SPG11: variants seen among roughly 807,000 people sequenced by gnomAD.
SPG11 encodes the protein spatacsin.
A neutral mutation model predicts 274.0 loss-of-function variants in SPG11; 222 were observed. The ratio of observed to expected loss-of-function variants is 0.81; its 90% CI spans 0.73 to 0.91. The LOEUF (loss-of-function observed/expected upper bound fraction) is 0.91. Ranked by LOEUF, SPG11 falls within the 40% of genes least tolerant of loss-of-function variation. The probability of loss-of-function intolerance (pLI) is 0.00; values close to 1 mark genes in which losing one functional copy is unlikely to be tolerated. For missense variants in SPG11, 3,114 were observed against 2,872.7 expected, an observed-to-expected ratio of 1.08 and a Z score of -1.92; for synonymous variants, 1,144 against 1,039.7, an observed-to-expected ratio of 1.10 and a Z score of -1.93.
intron 7 of SPG11, among the ~76,000 whole-genome samples, chr15:44,641,803 C>CA (rs1254822639): frequency 6.7e-6 from 1 of 149,550 alleles, no homozygotes; most frequent in East Asian, 2.0e-4. Context: ...AGAGTATTAT[C>CA]AATAAAATTA....
At chr15:44,573,402 T>C in intron 32 of SPG11, 145 bp downstream of exon 32, 1 of 838,040 alleles carries the variant, frequency 1.2e-6, no homozygotes, top group Non-Finnish European at 2.0e-6. Flanking sequence ...TGTATTTTGT[T>C]TTATTTAAAC....
intron 31 of SPG11, among the ~76,000 whole-genome samples, chr15:44,574,328 G>A (rs76654364): frequency 2.6e-5 from 4 of 152,178 alleles, no homozygotes; most frequent in Admixed American, 2.6e-4. Context: ...ATTATGAAAT[G>A]TAAGAACACC....
intron 32 of SPG11, chr15:44,573,220 C>T (rs1045478367): frequency 2.1e-5 from 11 of 517,218 alleles, no homozygotes; most frequent in South Asian, 1.0e-4. Context: ...CTCCTGACCT[C>T]GTGATCTGCC....
In SPG11 at chr15:44,651,614, T is replaced by C. The variant is rs766770788; in HGVS notation, c.1333A>G (p.Arg445Gly). ...FTALFTWEVE[R>G]MGYTITLWDL... ...CAGAGGGTAATGGTATAGCCCATCC[T>C]TTCCACTTCCCAAGTAAACAGTGCA... The change falls in exon 6 of 40, where the codon AGG becomes GGG. Residue 445 changes from arginine (R) to glycine (G), a missense_variant. Physicochemically the swap from Arg to Gly is moderately radical, Grantham distance 125 (BLOSUM62 -2). Coordinates refer to ENST00000261866, the MANE Select transcript of SPG11 (RefSeq NM_025137.4). The C allele has an allele frequency of 1.9e-6, 3 of 1,614,236 alleles. No individual in the cohort carries two copies. The highest frequency in any genetic ancestry group is 1.7e-6 in the Non-Finnish European group (2 of 1,180,040).
At position 44,566,020 on chromosome 15, in the gene SPG11, A is replaced by AG; in HGVS notation, c.6844-12dup. 1 of 1,613,378 alleles carries AG rather than the reference A, an allele frequency of 6.2e-7. No individual in the cohort carries two copies. Reference sequence around the variant, plus strand: ...TCGCACACAGGAGTCCTGAGGAACAAGGGTGGAGAGGCACAGTAGAGAAAG... The same window carrying AG: ...TCGCACACAGGAGTCCTGAGGAACAAGGGGTGGAGAGGCACAGTAGAGAAAG... On this transcript the variant is annotated splice_polypyrimidine_tract_variant and intron_variant, in intron 37 of 39. Transcript: ENST00000261866.
At chr15:44,615,780 T>TC (rs1308907895) in intron 15 of SPG11, among the ~76,000 whole-genome samples, 1 of 152,198 alleles carries the variant, frequency 6.6e-6, no homozygotes, top group African/African-American at 2.4e-5. Context: ...AACGACAGAC[T>TC]CAAGCTATCT....
At chr15:44,662,655 A>AG (rs1348385504) in intron 1 of SPG11, among the ~76,000 whole-genome samples, 1 of 143,630 alleles carries the variant, frequency 7.0e-6, no homozygotes, top group East Asian at 2.1e-4. Flanking sequence ...ATCTTTAAAA[A>AG]AAAAAAAAAA....
At chr15:44,629,601 T>C (rs1024501066) in intron 8 of SPG11, among the ~76,000 whole-genome samples, 1 of 152,246 alleles carries the variant, frequency 6.6e-6, no homozygotes, top group Admixed American at 6.5e-5. Context: ...ATATCACTGC[T>C]ATTACCCTTT....
At chr15:44,650,412 G>C (rs1567190035) in intron 6 of SPG11, among the ~76,000 whole-genome samples, 1 of 152,054 alleles carries the variant, frequency 6.6e-6, no homozygotes, top group African/African-American at 2.4e-5. Context: ...CCAACACTTT[G>C]GGAGGCTGAG....
intron 7 of SPG11, among the ~76,000 whole-genome samples, chr15:44,640,902 G>C (rs2084420403): frequency 6.6e-6 from 1 of 151,984 alleles, no homozygotes; most frequent in Non-Finnish European, 1.5e-5. Flanking sequence ...AGCAATTTTT[G>C]TATTTTTAGT....
chr15:44,586,235 C>T (rs985843607), intron 28 of SPG11, among the ~76,000 whole-genome samples: 1 of 151,968 alleles, frequency 6.6e-6, no homozygotes, highest in African/African-American at 2.4e-5. Context: ...AACTATTTTT[C>T]TACTCTGGTT....
rs2083035363 is a variant in SPG11 at position 44,596,253 on chromosome 15, G to C, written c.4264C>G (p.Gln1422Glu). ...TCCTGGGGGCACTTATTGCAGACTT[G>C]ATCGCTGTCCATTTTGGAGGTGGGC... The part of the protein sequence containing the change: ...SVPTSKMDSD[Q>E]VCNKCPQELQ... Residue 1422 changes from glutamine to glutamate, a missense_variant, in exon 25 of 40, where the codon CAA becomes GAA. Transcript: ENST00000261866. The C allele has an allele frequency of 1.9e-6, 3 of 1,614,128 alleles. No homozygotes were observed. Among genetic ancestry groups the C allele is most frequent in the African/African-American group, 1.3e-5 (1 of 75,026 alleles).
chr15:44,640,770 C>T (rs959002607), intron 7 of SPG11, among the ~76,000 whole-genome samples: 14 of 152,100 alleles, frequency 9.2e-5, no homozygotes, highest in Non-Finnish European at 2.1e-4. Context: ...CTCATTCTGT[C>T]GTCAGGCTGA....
At chr15:44,662,584 A>AGGCT (rs1378905036) in intron 1 of SPG11, among the ~76,000 whole-genome samples, 1 of 149,956 alleles carries the variant, frequency 6.7e-6, no homozygotes, top group Non-Finnish European at 1.5e-5. Flanking sequence ...CGGGAGGTCA[A>AGGCT]GGCTGGCTGC....
At chr15:44,659,560 AG>A (rs1157088011) in intron 2 of SPG11, among the ~76,000 whole-genome samples, 3 of 152,182 alleles carry the variant, frequency 2.0e-5, no homozygotes, top group African/African-American at 7.2e-5. Flanking sequence ...TATTCAAAAA[AG>A]CCAACTTACC....
rs1373557546 is a variant in SPG11, at chr15:44,564,587, T to G, written c.7111A>C (p.Arg2371=). The change falls in exon 39 of 40, where the codon AGG becomes CGG. Residue 2371 remains arginine (R), a synonymous_variant. Coordinates refer to ENST00000261866, the MANE Select transcript of SPG11 (RefSeq NM_025137.4). ...TCAAATATACTGGACTTTAATAACC[T>G]TTGCTGCTTAAATTCTTCCAAGTAA... is the stretch of plus-strand genomic sequence containing the variant. ...FNYLEEFKQQ[R]LLKSSIFEEI... 6.2e-7 allele frequency: 1 copy of G among 1,614,080 alleles called. No individual in the cohort carries two copies. The highest frequency in any genetic ancestry group is 1.1e-5 in the South Asian group (1 of 91,088).
chr15:44,662,866 C>T (rs1180212431), intron 1 of SPG11, among the ~76,000 whole-genome samples: 1 of 152,184 alleles, frequency 6.6e-6, no homozygotes, highest in Non-Finnish European at 1.5e-5. Flanking sequence ...TATGTAACAG[C>T]AAGCACACAA....
intron 28 of SPG11, among the ~76,000 whole-genome samples, chr15:44,587,713 A>C (rs896462559): frequency 8.6e-5 from 13 of 150,992 alleles, no homozygotes; most frequent in South Asian, 2.1e-4. Context: ...AAAAAAAAAA[A>C]AAAAAAACGT....
At chr15:44,600,403 C>G (rs1396900818) in intron 21 of SPG11, 64 bp downstream of exon 21, 1 of 1,579,822 alleles carries the variant, frequency 6.3e-7, no homozygotes, top group Non-Finnish European at 8.7e-7. Flanking sequence ...TCCTGCTTCC[C>G]AAAGTGCTGG....
Sources: gnomAD v4.1 joint callset for allele counts (sites outside exome capture counted in the v4.1 genomes callset) on GRCh38, gnomAD v4.1.1 for gene constraint, MANE v1.5 for transcripts, NCBI Gene and HGNC (gene_info 2026-07-23, HGNC 2026-07-21) for gene names.